The following IGSF11 variants were observed in gnomAD, a reference collection of about 807,000 sequenced individuals.
IGSF11 encodes the protein immunoglobulin superfamily member 11.
A neutral mutation model predicts 41.0 loss-of-function variants in IGSF11; 22 were observed. The ratio of observed to expected loss-of-function variants is 0.54; its 90% CI spans 0.38 to 0.77. The LOEUF is 0.77. Ranked by LOEUF, IGSF11 falls within the 30% of genes least tolerant of loss-of-function variation. The pLI is 0.00. For missense variants in IGSF11, 444 were observed against 530.8 expected (o/e 0.84, Z 1.61); for synonymous variants, 219 against 201.3 (o/e 1.09, Z -0.74).
chr3:118,914,056 G>C (rs569167995), intron 4 of IGSF11, among the ~76,000 whole-genome samples: 2 of 151,440 alleles, frequency 1.3e-5, no homozygotes, highest in South Asian at 2.1e-4. Flanking sequence ...AGAGAGTAGA[G>C]TTTTTTTTTA....
At chr3:119,056,403 C>T (rs1158550746) in intron 1 of IGSF11, among the ~76,000 whole-genome samples, 2 of 151,916 alleles carry the variant, frequency 1.3e-5, no homozygotes, top group Non-Finnish European at 2.9e-5. Context: ...ACACATACAC[C>T]CTCCCAAGAC....
chr3:118,949,213 G>A (rs1416418933), intron 1 of IGSF11: 1 of 144,360 alleles, frequency 6.9e-6, no homozygotes, highest in South Asian at 2.3e-4. Flanking sequence ...CCAAAACAAA[G>A]AACAAAGATT....
At chr3:118,957,388 A>G (rs1428888779) in intron 1 of IGSF11, among the ~76,000 whole-genome samples, 1 of 152,326 alleles carries the variant, frequency 6.6e-6, no homozygotes, top group South Asian at 2.1e-4. Flanking sequence ...AAAATTAAAC[A>G]GAGTTAATTA....
intron 1 of IGSF11, among the ~76,000 whole-genome samples, chr3:118,986,725 G>A (rs1935292369): frequency 6.6e-6 from 1 of 152,080 alleles, no homozygotes. Context: ...GGAAAGGATG[G>A]GTTCATATTG....
At chr3:118,962,236 G>A (rs1472496147) in intron 1 of IGSF11, among the ~76,000 whole-genome samples, 1 of 152,038 alleles carries the variant, frequency 6.6e-6, no homozygotes, top group Non-Finnish European at 1.5e-5. Context: ...TCACTCTATT[G>A]GAAGTTTCTT....
rs375019274 is a variant in IGSF11 at position 118,933,196 on chromosome 3, G to T, written c.53-2921C>A. On this transcript the variant is annotated intron_variant, in intron 1 of 6. Transcript: ENST00000393775. Reference sequence around the variant, plus strand: ...TGAGCTGCTTTCAGAACTTGCAAAGGTGTAGGTTTGAAACTGTACAAATCG... The same window carrying T: ...TGAGCTGCTTTCAGAACTTGCAAAGTTGTAGGTTTGAAACTGTACAAATCG... 5.9e-5 allele frequency among the ~76,000 whole-genome samples: 9 copies of T among 152,274 alleles called. No individual in the cohort carries two copies. The South Asian group carries it at 1.2e-3, about 21-fold the overall frequency.
At chr3:119,106,691 C>T (rs975543721), upstream of IGSF11, among the ~76,000 whole-genome samples, 8 of 152,084 alleles carry the variant, frequency 5.3e-5, no homozygotes, top group Admixed American at 6.5e-5. Context: ...CACCCATTAA[C>T]TCGTCGTTTA....
At chr3:118,952,569 A>G (rs1420483394) in intron 1 of IGSF11, among the ~76,000 whole-genome samples, 1 of 152,162 alleles carries the variant, frequency 6.6e-6, no homozygotes, top group African/African-American at 2.4e-5. Context: ...TTAAAGTTTT[A>G]TCATGAGATT....
intron 1 of IGSF11, among the ~76,000 whole-genome samples, chr3:119,064,352 A>G (rs1308708069): frequency 6.6e-6 from 1 of 152,092 alleles, no homozygotes; most frequent in African/African-American, 2.4e-5. Context: ...TAGATGGCTG[A>G]GTATGTGTAG....
chr3:119,000,272 T>C (rs1184964254), intron 1 of IGSF11, among the ~76,000 whole-genome samples: 1 of 150,606 alleles, frequency 6.6e-6, no homozygotes, highest in East Asian at 1.9e-4. Context: ...TTCTTTCTAA[T>C]CTTATAGCTT....
rs1360512434 is a variant in IGSF11, at chr3:118,902,251, C to A, written c.*269G>T. Reference sequence around the variant, plus strand: ...AGTTTGGATTTTAAGTACTATTCTGCTCTTGTATCTTTTTCCTTGGCTTGG... The same window carrying A: ...AGTTTGGATTTTAAGTACTATTCTGATCTTGTATCTTTTTCCTTGGCTTGG... On this transcript the variant is annotated 3_prime_UTR_variant, in exon 7 of 7. Transcript: ENST00000393775. 5 of 402,174 alleles carry A rather than the reference C, an allele frequency of 1.2e-5. No individual in the cohort carries two copies. Among genetic ancestry groups the A allele is most frequent in the Non-Finnish European group, 2.2e-5 (5 of 222,610 alleles). The allele number at this position is 402,174 out of a possible 1,614,324, so 24.9% of individuals were successfully genotyped here. A position where few individuals can be genotyped will look rare whatever the true frequency, so the allele number is the denominator to read the frequency against.
chr3:119,075,705 A>G (rs146551014), intron 1 of IGSF11, among the ~76,000 whole-genome samples: 1,642 of 152,354 alleles, frequency 0.011, 81 homozygotes, highest in Admixed American at 0.089. Context: ...TTCATCACAT[A>G]AACAGAACTA....
intron 1 of IGSF11, among the ~76,000 whole-genome samples, chr3:119,130,776 A>G (rs911309779): frequency 2.0e-5 from 3 of 152,198 alleles, no homozygotes; most frequent in Non-Finnish European, 2.9e-5. Context: ...GACACCTCCC[A>G]GTAGGGGCCA....
chr3:119,010,087 A>G (rs1204221283), intron 1 of IGSF11, among the ~76,000 whole-genome samples: 1 of 152,258 alleles, frequency 6.6e-6, no homozygotes, highest in Non-Finnish European at 1.5e-5. Flanking sequence ...AAAGTCATGC[A>G]GAGAAGAGTC....
chr3:118,959,294 A>G (rs562286000), intron 1 of IGSF11, among the ~76,000 whole-genome samples: 270 of 152,326 alleles, frequency 1.8e-3, no homozygotes, highest in Non-Finnish European at 3.2e-3. Flanking sequence ...TTGAGATTAC[A>G]TATGCTACTG....
At chr3:119,078,423 C>A (rs2076536769) in intron 1 of IGSF11, among the ~76,000 whole-genome samples, 1 of 152,178 alleles carries the variant, frequency 6.6e-6, no homozygotes, top group Non-Finnish European at 1.5e-5. Context: ...CACATACCTA[C>A]AACTGTCTAA....
upstream of IGSF11, among the ~76,000 whole-genome samples, chr3:119,038,586 G>A (rs1940999331): frequency 6.6e-6 from 1 of 152,062 alleles, no homozygotes; most frequent in African/African-American, 2.4e-5. Context: ...AATTCTAATA[G>A]CAAATTTAAA....
At chr3:119,022,517 T>C (rs951946360) in intron 1 of IGSF11, among the ~76,000 whole-genome samples, 9 of 152,214 alleles carry the variant, frequency 5.9e-5, no homozygotes, top group Non-Finnish European at 1.2e-4. Context: ...ATATGGTTTG[T>C]GAATTATATC....
intron 1 of IGSF11, among the ~76,000 whole-genome samples, chr3:119,007,957 C>T (rs1937620292): frequency 6.6e-6 from 1 of 152,126 alleles, no homozygotes; most frequent in African/African-American, 2.4e-5. Context: ...ACTAAAATAG[C>T]CTTATCAAAG....
Sources: allele counts gnomAD v4.1 joint callset (sites outside exome capture counted in the v4.1 genomes callset), GRCh38; gene constraint gnomAD v4.1.1; transcripts MANE v1.5; gene names NCBI Gene and HGNC (gene_info 2026-07-23, HGNC 2026-07-21).